Variants in GRIN2A observed in about 807,000 individuals in gnomAD.
GRIN2A encodes glutamate ionotropic receptor NMDA type subunit 2A, also known as glutamate receptor ionotropic, NMDA 2A.
A neutral mutation model predicts 113.4 loss-of-function variants in GRIN2A; 22 were observed. The observed-to-expected ratio is 0.19, with a 90% CI of 0.14 to 0.28. The LOEUF is 0.28. Ranked by LOEUF, GRIN2A falls within the 10% of genes least tolerant of loss-of-function variation. The probability of loss-of-function intolerance (pLI) is 1.00; values close to 1 mark genes in which losing one functional copy is unlikely to be tolerated. For synonymous variants in GRIN2A, 827 were observed against 738.4 expected, an observed-to-expected ratio of 1.12 and a Z score of -1.94; for missense variants, 1,502 against 1,887.0, an observed-to-expected ratio of 0.80 and a Z score of 3.78.
At chr16:9,931,886 T>C (rs1220741279) in intron 3 of GRIN2A, among the ~76,000 whole-genome samples, 1 of 152,230 alleles carries the variant, frequency 6.6e-6, no homozygotes, top group Non-Finnish European at 1.5e-5. Flanking sequence ...CTTAATGCTT[T>C]GCATTTCATA....
chr16:9,760,350 A>G lies in GRIN2A; in HGVS notation c.*2799T>C, dbSNP rs1900525990. ...AATAACTCTACATCTTTTCCTTAGA[A>G]ATTGACCATCTGATCAGTAGTTGAT... On this transcript the variant is annotated 3_prime_UTR_variant, in exon 13 of 13. Transcript: ENST00000330684. 2 of 192,740 alleles carry G rather than the reference A, an allele frequency of 1.0e-5. No individual in the cohort carries two copies. The highest frequency in any genetic ancestry group is 1.5e-4 in the East Asian group (2 of 13,236). The allele number at this position is 192,740 out of a possible 1,614,324, so 11.9% of individuals were successfully genotyped here. A position where few individuals can be genotyped will look rare whatever the true frequency, so the allele number is the denominator to read the frequency against.
chr16:10,180,745 C>G lies in GRIN2A; in HGVS notation c.-18-316G>C, dbSNP rs1349176461. On this transcript the variant is annotated intron_variant, in intron 1 of 12. Coordinates refer to ENST00000330684, the MANE Select transcript of GRIN2A (RefSeq NM_001134407.3). The surrounding 1 kb of genome is among the most constrained non-coding windows in gnomAD (Gnocchi z 7.0). ...TATCCCCCACCGCATTCCCCAAGTT[C>G]GCCGCGGGCCACAGACCCTAAGCGC... is the stretch of plus-strand genomic sequence containing the variant. 1.0e-5 allele frequency: 5 copies of G among 486,254 alleles called. No individual in the cohort carries two copies. In the Admixed American group the frequency reaches 1.7e-4, roughly 16 times the overall value. 30.1% of individuals were successfully genotyped at this position (486,254 alleles called of 1,614,324 possible). A position where few individuals can be genotyped will look rare whatever the true frequency, so the allele number is the denominator to read the frequency against.
intron 2 of GRIN2A, among the ~76,000 whole-genome samples, chr16:10,066,274 G>C (rs538882000): frequency 6.6e-6 from 1 of 152,166 alleles, no homozygotes; most frequent in Non-Finnish European, 1.5e-5. Flanking sequence ...AGGGTTGCCT[G>C]AACACTAGCT....
intron 4 of GRIN2A, among the ~76,000 whole-genome samples, chr16:9,872,193 G>T (rs181964097): frequency 1.3e-5 from 2 of 152,308 alleles, no homozygotes; most frequent in Admixed American, 6.5e-5. Flanking sequence ...AACAAAGAAT[G>T]ACAGATTTCC....
chr16:10,150,651 C>T (rs974138409), intron 2 of GRIN2A, among the ~76,000 whole-genome samples: 1 of 147,998 alleles, frequency 6.8e-6, no homozygotes, highest in African/African-American at 2.5e-5. Flanking sequence ...TAGACACTTG[C>T]AGTCACCTGC....
intron 8 of GRIN2A, among the ~76,000 whole-genome samples, 158 bp from the exon 9 acceptor site, chr16:9,829,810 AT>A (rs1333273010): frequency 1.3e-5 from 2 of 152,034 alleles, no homozygotes. Flanking sequence ...ACAATAACTT[AT>A]TTTTTTCTTT....
intron 5 of GRIN2A, among the ~76,000 whole-genome samples, chr16:9,846,011 T>C (rs989199162): frequency 6.6e-6 from 1 of 152,252 alleles, no homozygotes; most frequent in Non-Finnish European, 1.5e-5. Flanking sequence ...ATTCATTCTG[T>C]ATTAAAACAA....
At chr16:9,809,858 G>A (rs532323994) in intron 10 of GRIN2A, among the ~76,000 whole-genome samples, 6 of 152,204 alleles carry the variant, frequency 3.9e-5, no homozygotes, top group Admixed American at 2.0e-4. Flanking sequence ...CCCTGAGGTC[G>A]GGAGTTCGAG....
At chr16:9,769,627 C>T (rs1334616209) in intron 11 of GRIN2A, among the ~76,000 whole-genome samples, 2 of 151,812 alleles carry the variant, frequency 1.3e-5, no homozygotes, top group African/African-American at 4.8e-5. Context: ...TGCATGGCCT[C>T]GGAGCTACAG....
At chr16:10,108,880 G>C (rs1265146736) in intron 2 of GRIN2A, among the ~76,000 whole-genome samples, 2 of 152,008 alleles carry the variant, frequency 1.3e-5, no homozygotes, top group African/African-American at 2.4e-5. Flanking sequence ...AATAATCAGA[G>C]GAGAAGGCAA....
intron 2 of GRIN2A, among the ~76,000 whole-genome samples, chr16:10,061,617 G>A (rs11644783): frequency 0.037 from 5,627 of 152,258 alleles, 153 homozygotes; most frequent in Non-Finnish European, 0.053. Context: ...TCAGTCTGGG[G>A]CAGAGAGAGG....
In GRIN2A at chr16:9,843,019, G is replaced by A. The variant is rs185309609; in HGVS notation, c.1329-1915C>T. On this transcript the variant is annotated intron_variant, in intron 5 of 12. Transcript: ENST00000330684. ...AGAGAGAAACAGAAAGAGAAAAAGG[G>A]GGGAGAGGGAGAGATAGAAAGAAAG... Among the ~76,000 whole-genome samples, 6 of 150,168 alleles carry A rather than the reference G, an allele frequency of 4.0e-5. No individual in the cohort carries two copies. The East Asian group carries it at 1.2e-3, about 29-fold the overall frequency.
intron 2 of GRIN2A, among the ~76,000 whole-genome samples, chr16:9,945,189 A>G (rs745902237): frequency 3.3e-5 from 5 of 152,126 alleles, no homozygotes; most frequent in African/African-American, 4.8e-5. Flanking sequence ...ACAAAATAGA[A>G]TAATTTCAAG....
At chr16:9,945,930 C>T (rs1016385110) in intron 2 of GRIN2A, among the ~76,000 whole-genome samples, 20 of 152,254 alleles carry the variant, frequency 1.3e-4, no homozygotes, top group African/African-American at 4.8e-4. Flanking sequence ...CAGACCTTGT[C>T]CCAGTTTACC....
chr16:9,908,891 T>G (rs76017173), intron 3 of GRIN2A, among the ~76,000 whole-genome samples: 86 of 152,170 alleles, frequency 5.7e-4, no homozygotes, highest in African/African-American at 1.9e-3. Flanking sequence ...GGAAAGTAGG[T>G]CAGTTTCAGA....
chr16:10,152,335 C>A (rs536396009), intron 2 of GRIN2A, among the ~76,000 whole-genome samples: 30 of 152,196 alleles, frequency 2.0e-4, no homozygotes, highest in Non-Finnish European at 2.5e-4. Context: ...TGGCCACCTA[C>A]GTGTCTTTAT....
chr16:9,847,451 G>A (rs1464630932), intron 5 of GRIN2A, among the ~76,000 whole-genome samples: 2 of 151,920 alleles, frequency 1.3e-5, no homozygotes, highest in Non-Finnish European at 2.9e-5. Context: ...TGTAGTCTCA[G>A]CTATTCAGGA....
chr16:9,845,780 C>G (rs1324596072), intron 5 of GRIN2A, among the ~76,000 whole-genome samples: 2 of 152,170 alleles, frequency 1.3e-5, no homozygotes, highest in Non-Finnish European at 2.9e-5. Flanking sequence ...GCTAAAGTAA[C>G]CCCACATACC....
intron 2 of GRIN2A, among the ~76,000 whole-genome samples, chr16:9,959,878 C>A (rs1035219192): frequency 6.6e-6 from 1 of 152,176 alleles, no homozygotes; most frequent in Non-Finnish European, 1.5e-5. Flanking sequence ...GAGGATGAAG[C>A]AACAGAATCG....
Sources: allele counts gnomAD v4.1 joint callset (sites outside exome capture counted in the v4.1 genomes callset), GRCh38; gene constraint gnomAD v4.1.1; non-coding constraint Gnocchi (gnomAD v3.1); transcripts MANE v1.5; gene names NCBI Gene and HGNC (gene_info 2026-07-23, HGNC 2026-07-21).